LRRTM4: variants seen among roughly 807,000 people sequenced by gnomAD.
LRRTM4 encodes leucine rich repeat transmembrane neuronal 4, also known as leucine-rich repeat transmembrane neuronal protein 4.
Under a neutral mutation model 47.6 loss-of-function variants are expected in LRRTM4, and 25 were observed. That is an observed-to-expected ratio of 0.53 (90% CI 0.38 to 0.73). The LOEUF (loss-of-function observed/expected upper bound fraction) is 0.73, where lower values mean the gene tolerates loss of function less well. Among genes scored for constraint, LRRTM4 ranks in the 30% least tolerant of loss-of-function variants. The pLI is 0.00. For missense variants in LRRTM4, 638 were observed against 713.4 expected, an observed-to-expected ratio of 0.89 and a Z score of 1.20; for synonymous variants, 311 against 269.5, an observed-to-expected ratio of 1.15 and a Z score of -1.51.
At position 76,840,813 on chromosome 2, in the gene LRRTM4, T is replaced by C. The variant is rs1039940443; in HGVS notation, c.1552-91897A>G. ...AGGATGTAGAGAAATAGGAATACTTTTACACTGTTGGTGGGACTGTAAACT... is the reference window on the plus strand; with the variant it reads ...AGGATGTAGAGAAATAGGAATACTTCTACACTGTTGGTGGGACTGTAAACT... On this transcript the variant is annotated intron_variant, in intron 3 of 3. Coordinates refer to ENST00000409884, the MANE Select transcript of LRRTM4 (RefSeq NM_001134745.3). 5.9e-5 allele frequency among the ~76,000 whole-genome samples: 9 copies of C among 152,216 alleles called. No homozygotes were observed. The East Asian group carries it at 1.8e-3, about 30-fold the overall frequency.
intron 3 of LRRTM4, among the ~76,000 whole-genome samples, chr2:77,107,535 T>C (rs550323630): frequency 6.6e-6 from 1 of 152,234 alleles, no homozygotes; most frequent in African/African-American, 2.4e-5. Context: ...TAAAAATAAC[T>C]AGGCCGGGCA....
At chr2:77,148,297 TA>T (rs1180642114) in intron 3 of LRRTM4, among the ~76,000 whole-genome samples, 1 of 152,180 alleles carries the variant, frequency 6.6e-6, no homozygotes, top group Non-Finnish European at 1.5e-5. Flanking sequence ...TGGCATATCT[TA>T]AAATGCTTAA....
At chr2:77,434,764 G>T (rs1026042949) in intron 3 of LRRTM4, among the ~76,000 whole-genome samples, 1 of 152,042 alleles carries the variant, frequency 6.6e-6, no homozygotes, top group Non-Finnish European at 1.5e-5. Flanking sequence ...ATAGTGATTT[G>T]CCCAAGGTTA....
rs1390326247 is a variant in LRRTM4 at position 76,868,929 on chromosome 2, G to C, written c.1552-120013C>G. On this transcript the variant is annotated intron_variant, in intron 3 of 3. Coordinates refer to ENST00000409884, the MANE Select transcript of LRRTM4 (RefSeq NM_001134745.3). The stretch of plus-strand genomic sequence containing the variant: ...CCCTATTAAAATTGCTTTCAGGAAA[G>C]ATAGGGAATTTACTTAACACGATAG... Among the ~76,000 whole-genome samples the C allele has an allele frequency of 2.6e-5, 4 of 152,030 alleles. No individual in the cohort carries two copies. The South Asian group carries it at 6.2e-4, about 24-fold the overall frequency.
chr2:77,135,550 C>T (rs374070644), intron 3 of LRRTM4, among the ~76,000 whole-genome samples: 11 of 152,256 alleles, frequency 7.2e-5, no homozygotes, highest in South Asian at 6.2e-4. Flanking sequence ...AGGATTTGAT[C>T]GAGAAAGTAA....
At chr2:77,329,652 G>C (rs1362291648) in intron 3 of LRRTM4, among the ~76,000 whole-genome samples, 2 of 152,126 alleles carry the variant, frequency 1.3e-5, no homozygotes, top group African/African-American at 4.8e-5. Context: ...GTTAGTAAGG[G>C]AGTGTCATGC....
chr2:77,452,603 T>C (rs1261931011), intron 3 of LRRTM4, among the ~76,000 whole-genome samples: 2 of 152,246 alleles, frequency 1.3e-5, no homozygotes, highest in Admixed American at 1.3e-4. Flanking sequence ...CACAGGGTCC[T>C]GACTGCAGAA....
intron 3 of LRRTM4, among the ~76,000 whole-genome samples, chr2:76,927,521 G>A (rs568688896): frequency 1.6e-4 from 24 of 152,034 alleles, no homozygotes; most frequent in African/African-American, 5.6e-4. Context: ...GTTGGTTCTC[G>A]GAGCTACTGC....
intron 3 of LRRTM4, among the ~76,000 whole-genome samples, chr2:76,868,810 G>C (rs1392335565): frequency 6.6e-6 from 1 of 152,048 alleles, no homozygotes; most frequent in Non-Finnish European, 1.5e-5. Context: ...ATTATTCTAA[G>C]AACTTTTCTG....
chr2:76,783,881 T>C (rs1674528071), intron 3 of LRRTM4, among the ~76,000 whole-genome samples: 1 of 152,140 alleles, frequency 6.6e-6, no homozygotes, highest in Admixed American at 6.6e-5. Context: ...GAAGAATGTG[T>C]ATGATTTGAC....
chr2:77,418,253 T>C (rs1016484813), intron 3 of LRRTM4, among the ~76,000 whole-genome samples: 2 of 152,170 alleles, frequency 1.3e-5, no homozygotes, highest in African/African-American at 4.8e-5. Context: ...AATAGCAGTG[T>C]TACACATAGT....
chr2:77,180,322 G>A (rs3910598), intron 3 of LRRTM4, among the ~76,000 whole-genome samples: 17,192 of 151,996 alleles, frequency 0.11, 2,612 homozygotes, highest in African/African-American at 0.35. Context: ...TAAATCTTAT[G>A]ACATCCCTGC....
At chr2:77,298,869 C>A (rs891450104) in intron 3 of LRRTM4, among the ~76,000 whole-genome samples, 3 of 152,066 alleles carry the variant, frequency 2.0e-5, no homozygotes, top group African/African-American at 7.2e-5. Context: ...TTGTTGATAG[C>A]TTAAATTATT....
intron 3 of LRRTM4, among the ~76,000 whole-genome samples, chr2:77,069,307 C>T (rs966490829): frequency 5.3e-5 from 8 of 152,066 alleles, no homozygotes; most frequent in Admixed American, 3.9e-4. Context: ...ATACTATTAA[C>T]ATACATGTAC....
intron 3 of LRRTM4, among the ~76,000 whole-genome samples, chr2:76,800,352 A>G: frequency 7.1e-6 from 1 of 141,330 alleles, no homozygotes; most frequent in Non-Finnish European, 1.5e-5. Flanking sequence ...AGCAATGGGG[A>G]AAGGATTCCC....
At chr2:77,073,739 TATA>T (rs1680240128) in intron 3 of LRRTM4, among the ~76,000 whole-genome samples, 1 of 152,186 alleles carries the variant, frequency 6.6e-6, no homozygotes, top group Non-Finnish European at 1.5e-5. Context: ...TCCCTTCCTT[TATA>T]ATGTTTTTTT....
At chr2:77,127,171 T>C (rs1029954462) in intron 3 of LRRTM4, among the ~76,000 whole-genome samples, 4 of 152,212 alleles carry the variant, frequency 2.6e-5, no homozygotes, top group Non-Finnish European at 5.9e-5. Flanking sequence ...CTTACTCAAA[T>C]GTCTGTTTTT....
intron 3 of LRRTM4, among the ~76,000 whole-genome samples, chr2:77,289,794 T>C (rs1482159436): frequency 2.6e-5 from 4 of 152,074 alleles, no homozygotes; most frequent in African/African-American, 9.6e-5. Context: ...TGACGTGAAA[T>C]ATTTGTTTAA....
At chr2:76,926,862 C>T (rs1674604349) in intron 3 of LRRTM4, among the ~76,000 whole-genome samples, 1 of 152,120 alleles carries the variant, frequency 6.6e-6, no homozygotes, top group Admixed American at 6.6e-5. Context: ...TCTGCATGTA[C>T]ATACTATTCC....
Sources: gnomAD v4.1 joint callset for allele counts (sites outside exome capture counted in the v4.1 genomes callset) on GRCh38, gnomAD v4.1.1 for gene constraint, MANE v1.5 for transcripts, NCBI Gene and HGNC (gene_info 2026-07-23, HGNC 2026-07-21) for gene names.